KANSL1L: variants seen among roughly 807,000 people sequenced by gnomAD.
The protein encoded by KANSL1L is KAT8 regulatory NSL complex subunit 1 like.
In KANSL1L, 25 loss-of-function variants were observed where a neutral mutation model predicts 108.6. The observed-to-expected ratio is 0.23, with a 90% CI of 0.17 to 0.32. The LOEUF (loss-of-function observed/expected upper bound fraction) is 0.32, where lower values mean the gene tolerates loss of function less well. Among genes scored for constraint, KANSL1L ranks in the 10% least tolerant of loss-of-function variants. The pLI is 1.00. For synonymous variants in KANSL1L, 405 were observed against 395.1 expected (o/e 1.03, Z -0.30); for missense variants, 1,137 against 1,125.7 (o/e 1.01, Z -0.14).
At chr2:210,104,027 AATG>A in intron 4 of KANSL1L, 74 bp downstream of exon 4, 1 of 1,112,852 alleles carries the variant, frequency 9.0e-7, no homozygotes, top group Middle Eastern at 2.1e-4. Flanking sequence ...ATACACATAT[AATG>A]ATGTTTATTT....
At chr2:210,033,785 G>A (rs562975687) in intron 8 of KANSL1L, among the ~76,000 whole-genome samples, 65 of 150,380 alleles carry the variant, frequency 4.3e-4, no homozygotes, top group Non-Finnish European at 7.4e-4. Context: ...TGATCCGCCC[G>A]CCTCAGCCTC....
chr2:210,124,185 C>A (rs1474091919), intron 3 of KANSL1L, among the ~76,000 whole-genome samples: 1 of 151,922 alleles, frequency 6.6e-6, no homozygotes, highest in Non-Finnish European at 1.5e-5. Flanking sequence ...AACATTCTAC[C>A]CAACAACAAC....
intron 6 of KANSL1L, among the ~76,000 whole-genome samples, chr2:210,056,835 G>T (rs1466336463): frequency 6.6e-6 from 1 of 152,054 alleles, no homozygotes; most frequent in Non-Finnish European, 1.5e-5. Context: ...ACCTCTAGAA[G>T]GTAGCCTTTT....
At chr2:210,026,722 C>A (rs909988089) in intron 12 of KANSL1L, among the ~76,000 whole-genome samples, 2 of 152,150 alleles carry the variant, frequency 1.3e-5, no homozygotes, top group African/African-American at 4.8e-5. Flanking sequence ...TGGATATTCA[C>A]GTAAATTCAG....
At chr2:210,090,544 T>TG (rs1013440460) in intron 5 of KANSL1L, among the ~76,000 whole-genome samples, 2 of 152,178 alleles carry the variant, frequency 1.3e-5, no homozygotes, top group African/African-American at 2.4e-5. Flanking sequence ...TTGTTGTTTT[T>TG]GGGGGGTTTT....
rs1222934340 is a variant in KANSL1L at position 210,153,757 on chromosome 2, G to A, written c.826C>T (p.His276Tyr). The A allele has an allele frequency of 1.9e-6, 3 of 1,611,266 alleles. No individual in the cohort carries two copies. Among genetic ancestry groups the A allele is most frequent in the Non-Finnish European group, 2.5e-6 (3 of 1,179,084 alleles). Reference sequence around the variant, plus strand: ...TTACCCAAAATTGTGGTAGGTTCATGAAATGTCTTCATTTTGGGGAGTTGA... The same window carrying A: ...TTACCCAAAATTGTGGTAGGTTCATAAAATGTCTTCATTTTGGGGAGTTGA... ...KHQLPKMKTF[H>Y]EPTTILGNSL... Residue 276 changes from histidine (H) to tyrosine (Y), a missense_variant, in exon 2 of 15, where the codon CAT becomes TAT. By Grantham distance (83) the His-to-Tyr change is moderately conservative (BLOSUM62 2). Transcript: ENST00000281772.
At chr2:210,129,220 T>C in intron 2 of KANSL1L, 48 bp from the exon 3 acceptor site, 1 of 1,497,896 alleles carries the variant, frequency 6.7e-7, no homozygotes, top group Non-Finnish European at 9.0e-7. Context: ...GGCAATCAAG[T>C]TTCACAAACA....
intron 3 of KANSL1L, among the ~76,000 whole-genome samples, chr2:210,107,691 GC>G (rs1003085142): frequency 6.6e-6 from 1 of 151,634 alleles, no homozygotes; most frequent in African/African-American, 2.4e-5. Context: ...ACCACGCCCG[GC>G]TAATTTTTTA....
chr2:210,166,431 GCTAAT>G (rs979058466), intron 1 of KANSL1L, among the ~76,000 whole-genome samples: 4 of 152,044 alleles, frequency 2.6e-5, no homozygotes, highest in African/African-American at 7.2e-5. Flanking sequence ...TAAAAAATTT[GCTAAT>G]CTAATCTCAA....
intron 5 of KANSL1L, among the ~76,000 whole-genome samples, chr2:210,077,374 A>C (rs2094550107): frequency 6.6e-6 from 1 of 152,144 alleles, no homozygotes; most frequent in Non-Finnish European, 1.5e-5. Context: ...TTAGGGTATA[A>C]TGCTTCTCTC....
chr2:210,122,475 T>G (rs1004983158), intron 3 of KANSL1L, among the ~76,000 whole-genome samples: 5 of 152,116 alleles, frequency 3.3e-5, no homozygotes, highest in African/African-American at 1.2e-4. Context: ...TCTATCCATA[T>G]GCAGAAGAAT....
chr2:210,025,267 T>A (rs571698689), intron 12 of KANSL1L, 51 bp from the exon 13 acceptor site: 2 of 1,175,630 alleles, frequency 1.7e-6, no homozygotes, highest in Admixed American at 1.7e-5. Context: ...TTTTGAAATA[T>A]AAGATCAGGC....
intron 6 of KANSL1L, among the ~76,000 whole-genome samples, chr2:210,055,388 A>C (rs2094339346): frequency 6.6e-6 from 1 of 152,224 alleles, no homozygotes; most frequent in South Asian, 2.1e-4. Flanking sequence ...AGGTGCTGCT[A>C]TCAGGATGCC....
Position 210,034,395 on chromosome 2 carries a change from A to G in KANSL1L, c.2030-2849T>C, listed in dbSNP as rs537829039. Among the ~76,000 whole-genome samples the G allele has an allele frequency of 3.3e-5, 5 of 152,348 alleles. No individual in the cohort carries two copies. In the South Asian group the frequency reaches 8.3e-4, roughly 25 times the overall value. On this transcript the variant is annotated intron_variant, in intron 8 of 14. Transcript: ENST00000281772. ...GGGAAGGAGGAGAATAGCATGTACA[A>G]TGGCCCAAGGGAACAGGACAAATTT...
At chr2:210,114,637 AT>A (rs1331032456) in intron 3 of KANSL1L, among the ~76,000 whole-genome samples, 8 of 152,186 alleles carry the variant, frequency 5.3e-5, no homozygotes, top group African/African-American at 1.7e-4. Flanking sequence ...CATTAAAAAA[AT>A]ATAATAGATC....
At chr2:210,085,486 T>G (rs2094628467) in intron 5 of KANSL1L, among the ~76,000 whole-genome samples, 1 of 152,184 alleles carries the variant, frequency 6.6e-6, no homozygotes, top group Admixed American at 6.5e-5. Flanking sequence ...CATACTTTTC[T>G]ACCTGATAAT....
chr2:210,039,770 T>A (rs1245112038), intron 8 of KANSL1L, among the ~76,000 whole-genome samples: 1 of 151,852 alleles, frequency 6.6e-6, no homozygotes, highest in Non-Finnish European at 1.5e-5. Context: ...TTATTCTGAT[T>A]CATAGCATTA....
intron 3 of KANSL1L, among the ~76,000 whole-genome samples, chr2:210,126,597 T>C (rs2125530025): frequency 6.6e-6 from 1 of 152,220 alleles, no homozygotes; most frequent in East Asian, 1.9e-4. Flanking sequence ...GGCAGATCAC[T>C]CTGAGGCCAG....
intron 5 of KANSL1L, among the ~76,000 whole-genome samples, chr2:210,084,778 T>C (rs1449023694): frequency 6.6e-6 from 1 of 151,988 alleles, no homozygotes; most frequent in Admixed American, 6.6e-5. Context: ...CACGCCGAGG[T>C]AATTTTTGTT....
Sources: gnomAD v4.1 joint callset for allele counts (sites outside exome capture counted in the v4.1 genomes callset) on GRCh38, gnomAD v4.1.1 for gene constraint, MANE v1.5 for transcripts, NCBI Gene and HGNC (gene_info 2026-07-23, HGNC 2026-07-21) for gene names.